DPM1: variants seen among roughly 807,000 people sequenced by gnomAD.
DPM1 encodes the protein dolichyl-phosphate mannosyltransferase subunit 1, catalytic.
Under a neutral mutation model 39.0 loss-of-function variants are expected in DPM1, and 27 were observed. That is an observed-to-expected ratio of 0.69 (90% CI 0.51 to 0.95). The LOEUF is 0.95. DPM1 is among the 40% of genes least tolerant of loss of function. The pLI is 0.00. For synonymous variants in DPM1, 124 were observed against 109.0 expected, an observed-to-expected ratio of 1.14 and a Z score of -0.86; for missense variants, 307 against 315.6, an observed-to-expected ratio of 0.97 and a Z score of 0.21.
Position 50,942,116 on chromosome 20 carries a change from C to T in DPM1, c.409G>A (p.Glu137Lys), listed in dbSNP as rs753780084. 1 of 1,613,786 alleles carries T rather than the reference C, an allele frequency of 6.2e-7. No individual in the cohort carries two copies. Among genetic ancestry groups the T allele is most frequent in the Non-Finnish European group, 8.5e-7 (1 of 1,179,790 alleles). The change falls in exon 6 of 9, where the codon GAG becomes AAG. Residue 137 changes from glutamate to lysine, a missense_variant. Physicochemically the swap from Glu to Lys is moderately conservative, Grantham distance 56. Around this residue, in one of 3 missense-constraint regions of DPM1, gnomAD observed 206 missense variants for 188.2 expected, o/e 1.09. Transcript: ENST00000371588. Reference sequence around the variant, plus strand: ...CCAGAGACAATATCAAAATTACCCTCCTTTTGCTTCCTGTAGAATAAATTA... The same window carrying T: ...CCAGAGACAATATCAAAATTACCCTTCTTTTGCTTCCTGTAGAATAAATTA... ...FIPEFIRKQKEGNFDIVSGTR... is the reference protein window; with the variant it reads ...FIPEFIRKQKKGNFDIVSGTR...
At chr20:50,953,887 C>G (rs1291716506) in intron 2 of DPM1, among the ~76,000 whole-genome samples, 1 of 152,150 alleles carries the variant, frequency 6.6e-6, no homozygotes, top group Non-Finnish European at 1.5e-5. Context: ...AAAATTCAAA[C>G]CTAGCATTAC....
intron 3 of DPM1, among the ~76,000 whole-genome samples, chr20:50,946,984 G>A (rs867876199): frequency 2.0e-5 from 3 of 152,178 alleles, no homozygotes; most frequent in South Asian, 2.1e-4. Context: ...CGAGGCAGGC[G>A]GATCATCTGA....
intron 2 of DPM1, among the ~76,000 whole-genome samples, chr20:50,948,983 C>A (rs1167944465): frequency 6.6e-6 from 1 of 152,084 alleles, no homozygotes; most frequent in African/African-American, 2.4e-5. Context: ...GCCTCAGCCT[C>A]CAGAGTAGCT....
chr20:50,941,893 A>G, intron 6 of DPM1, 138 bp downstream of exon 6: 1 of 752,644 alleles, frequency 1.3e-6, no homozygotes, highest in South Asian at 1.5e-5. Flanking sequence ...AAACTGTAAG[A>G]AACTATCTGG....
intron 2 of DPM1, among the ~76,000 whole-genome samples, chr20:50,953,920 G>C (rs1351762707): frequency 6.6e-6 from 1 of 152,166 alleles, no homozygotes; most frequent in Non-Finnish European, 1.5e-5. Context: ...CTAGAAGCCT[G>C]AAAATTTGTC....
intron 2 of DPM1, among the ~76,000 whole-genome samples, chr20:50,951,115 GT>G (rs1250119627): frequency 4.6e-5 from 7 of 152,156 alleles, no homozygotes; most frequent in African/African-American, 1.7e-4. Context: ...TGTAATAAAA[GT>G]TATGTGAACT....
At chr20:50,943,105 C>T in intron 5 of DPM1, among the ~76,000 whole-genome samples, 1 of 151,818 alleles carries the variant, frequency 6.6e-6, no homozygotes, top group South Asian at 2.1e-4. Context: ...GAACCCGGGA[C>T]GTGGAGGTTG....
At chr20:50,948,575 A>G in intron 3 of DPM1, 54 bp downstream of exon 3, 1 of 1,561,160 alleles carries the variant, frequency 6.4e-7, no homozygotes, top group Non-Finnish European at 8.8e-7. Flanking sequence ...TACACACTGG[A>G]TCATGTCACC....
Position 50,958,516 on chromosome 20 carries a change from G to C in DPM1, c.8C>G (p.Ser3Cys), listed in dbSNP as rs756104891. 1.9e-6 allele frequency: 3 copies of C among 1,613,618 alleles called. No individual in the cohort carries two copies. In the South Asian group the frequency reaches 3.3e-5, roughly 18 times the overall value. Residue 3 changes from serine to cysteine, a missense_variant, in exon 1 of 9, where the codon TCC becomes TGC. By Grantham distance (112) the Ser-to-Cys change is moderately radical (BLOSUM62 -1). Coordinates refer to ENST00000371588, the MANE Select transcript of DPM1 (RefSeq NM_003859.3). MA[S>C]LEVSRSPRRS... ...GCGAGGACTACGACTGACTTCCAAG[G>C]AGGCCATGGCGGAACTGAGCCAGAT... is the stretch of plus-strand genomic sequence containing the variant.
At chr20:50,937,353 C>G (rs1381046230) in intron 7 of DPM1, among the ~76,000 whole-genome samples, 4 of 151,918 alleles carry the variant, frequency 2.6e-5, no homozygotes, top group Non-Finnish European at 5.9e-5. Flanking sequence ...CTTAAGGATT[C>G]AAAGGAATCA....
intron 6 of DPM1, among the ~76,000 whole-genome samples, chr20:50,941,698 A>C (rs1170054468): frequency 6.6e-6 from 1 of 152,080 alleles, no homozygotes; most frequent in African/African-American, 2.4e-5. Flanking sequence ...TCTTAATTAA[A>C]ATTACACTAT....
chr20:50,937,185 AC>A (rs1288623696), intron 7 of DPM1, among the ~76,000 whole-genome samples: 1 of 151,930 alleles, frequency 6.6e-6, no homozygotes, highest in Non-Finnish European at 1.5e-5. Context: ...GGCCATCTGG[AC>A]CTACTGTGCC....
chr20:50,958,497 A>G lies in DPM1; in HGVS notation c.27T>C (p.Ser9=), dbSNP rs1333504287. 6.2e-7 allele frequency: 1 copy of G among 1,612,834 alleles called. No homozygotes were observed. Among genetic ancestry groups the G allele is most frequent in the Admixed American group, 1.7e-5 (1 of 59,882 alleles). MASLEVSR[S]PRRSRRELEV... is the part of the protein sequence containing the mutation. ...CCAGCTCCCGCCGAGACCTGCGAGG[A>G]CTACGACTGACTTCCAAGGAGGCCA... Residue 9 remains serine, a synonymous_variant, in exon 1 of 9, where the codon AGT becomes AGC. Transcript: ENST00000371588.
intron 5 of DPM1, 43 bp downstream of exon 5, chr20:50,945,694 G>A: frequency 6.8e-7 from 1 of 1,471,854 alleles, no homozygotes; most frequent in Non-Finnish European, 9.5e-7. Context: ...TAAGATAAAT[G>A]TTTCCAGTCA....
intron 8 of DPM1, 36 bp downstream of exon 8, chr20:50,936,112 A>T (rs748506415): frequency 1.4e-5 from 20 of 1,460,052 alleles, no homozygotes; most frequent in Non-Finnish European, 1.9e-5. Context: ...CTCCTTTACC[A>T]GGAACATGAC....
At chr20:50,946,645 A>G (rs967998508) in intron 3 of DPM1, among the ~76,000 whole-genome samples, 1 of 152,238 alleles carries the variant, frequency 6.6e-6, no homozygotes, top group East Asian at 1.9e-4. Flanking sequence ...TCCATGCCTC[A>G]AAGTCCCACA....
chr20:50,941,448 C>T (rs543805920), intron 6 of DPM1, among the ~76,000 whole-genome samples: 8 of 144,806 alleles, frequency 5.5e-5, no homozygotes, highest in African/African-American at 1.6e-4. Context: ...CATGGTGGTA[C>T]GTGCCTGCAG....
Position 50,945,845 on chromosome 20 carries a change from A to G in DPM1, c.372+2T>C. 6.2e-7 allele frequency: 1 copy of G among 1,613,352 alleles called. No homozygotes were observed. Among genetic ancestry groups the G allele is most frequent in the Non-Finnish European group, 8.5e-7 (1 of 1,179,390 alleles). ...TAGCTAATAAAGAAACATACCACTT[A>G]CATGGTGTGAGAGATCAGCATCCAT... is the stretch of plus-strand genomic sequence containing the variant. On this transcript the variant is annotated splice_donor_variant, in intron 4 of 8. Coordinates refer to ENST00000371588, the MANE Select transcript of DPM1 (RefSeq NM_003859.3). LOFTEE classifies it high-confidence loss of function.
chr20:50,940,338 C>T (rs1183094037), intron 7 of DPM1, among the ~76,000 whole-genome samples: 1 of 151,946 alleles, frequency 6.6e-6, no homozygotes, highest in African/African-American at 2.4e-5. Flanking sequence ...TGGTCAGTCA[C>T]ACAAAGCAGC....
Sources: gnomAD v4.1 joint callset for allele counts (sites outside exome capture counted in the v4.1 genomes callset) on GRCh38, gnomAD v4.1.1 for gene constraint, gnomAD v4.1.1 regional missense constraint, MANE v1.5 for transcripts, NCBI Gene and HGNC (gene_info 2026-07-23, HGNC 2026-07-21) for gene names.